Variants in TBC1D9 observed in about 807,000 individuals in gnomAD.
TBC1D9 encodes TBC1 domain family member 9A.
TBC1D9 carries 63 observed loss-of-function variants against 132.0 expected under a neutral mutation model. The observed-to-expected ratio is 0.48, with a 90% CI of 0.39 to 0.59. The LOEUF (loss-of-function observed/expected upper bound fraction) is 0.59, where lower values mean the gene tolerates loss of function less well. TBC1D9 is among the 20% of genes least tolerant of loss of function. The probability of loss-of-function intolerance (pLI) is 0.00; values close to 1 mark genes in which losing one functional copy is unlikely to be tolerated. For synonymous variants in TBC1D9, 610 were observed against 609.9 expected, an observed-to-expected ratio of 1.00 and a Z score of 0.00; for missense variants, 1,261 against 1,592.7, an observed-to-expected ratio of 0.79 and a Z score of 3.54.
intron 20 of TBC1D9, among the ~76,000 whole-genome samples, chr4:140,623,265 C>T (rs542782385): frequency 2.6e-5 from 4 of 152,164 alleles, no homozygotes; most frequent in Admixed American, 6.5e-5. Context: ...GATGGGGTTT[C>T]GCCATTTTAC....
intron 6 of TBC1D9, among the ~76,000 whole-genome samples, chr4:140,672,725 G>A (rs934982958): frequency 1.3e-5 from 2 of 152,070 alleles, no homozygotes; most frequent in Non-Finnish European, 2.9e-5. Flanking sequence ...TAAGCTCCCC[G>A]CCACCAGGAA....
At chr4:140,642,781 G>C in intron 13 of TBC1D9, 1 of 637,072 alleles carries the variant, frequency 1.6e-6, no homozygotes, top group Non-Finnish European at 2.8e-6. Context: ...GAGATTTGCT[G>C]CTCAGCTTTC....
At chr4:140,709,055 G>C (rs1005457149) in intron 1 of TBC1D9, among the ~76,000 whole-genome samples, 21 of 151,982 alleles carry the variant, frequency 1.4e-4, no homozygotes, top group Non-Finnish European at 2.8e-4. Context: ...AGATAAAAAT[G>C]GTTCTCAACA....
chr4:140,642,069 C>G (rs1056319553), intron 13 of TBC1D9: 1 of 695,344 alleles, frequency 1.4e-6, no homozygotes, highest in Non-Finnish European at 2.7e-6. Flanking sequence ...GTTTCAGAGT[C>G]CGGGAGGGGG....
In TBC1D9 at chr4:140,632,108, AC is replaced by A. The variant is rs1736803825; in HGVS notation, c.2746+1839del. On this transcript the variant is annotated intron_variant, in intron 16 of 20. Coordinates refer to ENST00000442267, the MANE Select transcript of TBC1D9 (RefSeq NM_015130.3). The stretch of plus-strand genomic sequence containing the variant: ...TTTTCCAGTGTTTTCTCTATGCTGG[AC>A]TTCAAGACTCTTTTTCCTTCTTGAA... Among the ~76,000 whole-genome samples, 18 of 152,302 alleles carry A rather than the reference AC, an allele frequency of 1.2e-4. No homozygotes were observed. The South Asian group carries it at 3.7e-3, about 32-fold the overall frequency.
At chr4:140,699,469 C>T (rs1398118138) in intron 2 of TBC1D9, among the ~76,000 whole-genome samples, 1 of 152,188 alleles carries the variant, frequency 6.6e-6, no homozygotes, top group Non-Finnish European at 1.5e-5. Flanking sequence ...ATAAAATGTA[C>T]ACTTGGCATG....
chr4:140,671,137 C>A (rs1560880305), intron 6 of TBC1D9, among the ~76,000 whole-genome samples: 1 of 152,094 alleles, frequency 6.6e-6, no homozygotes, highest in Non-Finnish European at 1.5e-5. Flanking sequence ...GAAACTGGAA[C>A]CGTCTTGCTG....
chr4:140,755,838 C>T (rs370010179), intron 1 of TBC1D9, 78 bp downstream of exon 1: 4 of 1,309,020 alleles, frequency 3.1e-6, no homozygotes, highest in African/African-American at 5.4e-5. Flanking sequence ...CGGCGTCTCC[C>T]GAGCCTGCAG....
At chr4:140,699,950 T>C (rs961041665) in intron 2 of TBC1D9, among the ~76,000 whole-genome samples, 1 of 152,132 alleles carries the variant, frequency 6.6e-6, no homozygotes, top group Non-Finnish European at 1.5e-5. Flanking sequence ...AGTGTTCATA[T>C]AGAGCCCTTA....
intron 2 of TBC1D9, 62 bp downstream of exon 2, chr4:140,701,441 TA>T: frequency 6.3e-6 from 8 of 1,265,614 alleles, no homozygotes; most frequent in Admixed American, 1.9e-5. Context: ...TTCCTTCTGA[TA>T]AAAAGTTGTT....
At chr4:140,693,497 A>G (rs1737907957) in intron 2 of TBC1D9, among the ~76,000 whole-genome samples, 1 of 152,204 alleles carries the variant, frequency 6.6e-6, no homozygotes, top group African/African-American at 2.4e-5. Flanking sequence ...TTTGTCCTTC[A>G]GATTTCTTGT....
At chr4:140,686,548 A>G (rs1737784796) in intron 2 of TBC1D9, 86 bp from the exon 3 acceptor site, 4 of 837,356 alleles carry the variant, frequency 4.8e-6, no homozygotes, top group Admixed American at 4.3e-5. Flanking sequence ...TATAGTCTAT[A>G]CCATCAAAGG....
intron 1 of TBC1D9, among the ~76,000 whole-genome samples, chr4:140,732,633 C>G (rs1199663872): frequency 6.6e-6 from 1 of 152,098 alleles, no homozygotes; most frequent in Admixed American, 6.6e-5. Context: ...TAACATCAGC[C>G]ACACCATTAC....
chr4:140,715,119 G>A (rs1394786087), intron 1 of TBC1D9, among the ~76,000 whole-genome samples: 1 of 152,144 alleles, frequency 6.6e-6, no homozygotes, highest in Non-Finnish European at 1.5e-5. Context: ...GTGAGACCCT[G>A]TCTCAAAACA....
intron 13 of TBC1D9, chr4:140,642,426 GC>G: frequency 1.1e-6 from 1 of 877,468 alleles, no homozygotes; most frequent in African/African-American, 1.7e-5. Context: ...TCCTGTCCTT[GC>G]CCAGCAGGCT....
At chr4:140,625,770 AAGC>A (rs530794771) in intron 18 of TBC1D9, among the ~76,000 whole-genome samples, 2 of 152,348 alleles carry the variant, frequency 1.3e-5, no homozygotes, top group South Asian at 4.1e-4. Flanking sequence ...CAAGTAAAAA[AAGC>A]AGGATACAAA....
intron 1 of TBC1D9, chr4:140,716,089 C>T (rs1003561255): frequency 6.6e-6 from 1 of 152,156 alleles, no homozygotes; most frequent in Non-Finnish European, 1.5e-5. Context: ...ATGTAAATGA[C>T]CTGTAAATGT....
chr4:140,725,339 G>T (rs1197515570), intron 1 of TBC1D9, among the ~76,000 whole-genome samples: 4 of 152,148 alleles, frequency 2.6e-5, no homozygotes, highest in Non-Finnish European at 4.4e-5. Flanking sequence ...ACCCTGTATG[G>T]TCTATGCACC....
chr4:140,643,702 A>G, intron 13 of TBC1D9: 2 of 1,199,532 alleles, frequency 1.7e-6, no homozygotes, highest in East Asian at 2.5e-5. Flanking sequence ...CCCAGGTCCA[A>G]TGCGGCCGTG....
Sources: allele counts gnomAD v4.1 joint callset (sites outside exome capture counted in the v4.1 genomes callset), GRCh38; gene constraint gnomAD v4.1.1; transcripts MANE v1.5; gene names NCBI Gene and HGNC (gene_info 2026-07-23, HGNC 2026-07-21).